The following TRPV3 variants were observed in gnomAD, a reference collection of about 807,000 sequenced individuals.
The protein encoded by TRPV3 is VRL-3.
Under a neutral mutation model 87.1 loss-of-function variants are expected in TRPV3, and 88 were observed. The ratio of observed to expected loss-of-function variants is 1.01; its 90% CI spans 0.85 to 1.21. The LOEUF is 1.21. TRPV3 is among the 50% of genes most tolerant of loss of function. The probability of loss-of-function intolerance (pLI) is 0.00; values close to 1 mark genes in which losing one functional copy is unlikely to be tolerated. For synonymous variants in TRPV3, 438 were observed against 423.3 expected, an observed-to-expected ratio of 1.03 and a Z score of -0.43; for missense variants, 1,054 against 1,030.1, an observed-to-expected ratio of 1.02 and a Z score of -0.32.
At chr17:3,547,713 TGGAGGGGGGCAGC>T (rs2150805149) in intron 2 of TRPV3, among the ~76,000 whole-genome samples, 1 of 138,672 alleles carries the variant, frequency 7.2e-6, no homozygotes, top group Non-Finnish European at 1.6e-5. Flanking sequence ...TCTCAGGCGG[TGGAGGGGGGCAGC>T]GGAGGGGAGG....
chr17:3,513,818 G>T lies in TRPV3; in HGVS notation c.*99C>A. On this transcript the variant is annotated 3_prime_UTR_variant, in exon 18 of 18. Transcript: ENST00000576742. ...TGCACTCTGCTTCTAGGCCAGCAGA[G>T]CCGGACTCCACCATCCCTCAAAGCC... 3 of 1,031,714 alleles carry T rather than the reference G, an allele frequency of 2.9e-6. No homozygotes were observed. The highest frequency in any genetic ancestry group is 3.0e-6 in the Non-Finnish European group (2 of 672,410). The allele number at this position is 1,031,714 out of a possible 1,614,324, so 63.9% of individuals were successfully genotyped here.
rs2074307437 is a variant in TRPV3 at position 3,527,156 on chromosome 17, C to G, written c.1504-229G>C. On this transcript the variant is annotated intron_variant, in intron 11 of 17. Coordinates refer to ENST00000576742, the MANE Select transcript of TRPV3 (RefSeq NM_145068.4). ...TCTTCTCACCTCCCTCACTCCTTAC[C>G]CCATCCTCACCCCAGAACCTGCAAA... Among the ~76,000 whole-genome samples, 4 of 152,090 alleles carry G rather than the reference C, an allele frequency of 2.6e-5. No individual in the cohort carries two copies. In the South Asian group the frequency reaches 8.3e-4, roughly 32 times the overall value.
Position 3,556,729 on chromosome 17 carries a change from T to C in TRPV3, c.-3+947A>G, listed in dbSNP as rs322960. On this transcript the variant is annotated intron_variant, in intron 1 of 17. Coordinates refer to ENST00000576742, the MANE Select transcript of TRPV3 (RefSeq NM_145068.4). This position sits in a 1 kb window ranked among gnomAD's most constrained non-coding sequence, Gnocchi z 4.2. Reference sequence around the variant, plus strand: ...TTTGGCCCTGGAGCGTAGGCAACCTTGAGGCCAGGCAGGTGGAGTAGCCCA... The same window carrying C: ...TTTGGCCCTGGAGCGTAGGCAACCTCGAGGCCAGGCAGGTGGAGTAGCCCA... Among the ~76,000 whole-genome samples the C allele has an allele frequency of 0.28, 42,452 of 152,018 alleles. 7,079 individuals carry two copies. The highest frequency in any genetic ancestry group is 0.4 in the South Asian group (1,944 of 4,814).
rs141342749 is a variant in TRPV3 at position 3,530,376 on chromosome 17, C to CGCACAAAGCTT, written c.1066-184_1066-174dup. 85,396 of 567,632 alleles carry CGCACAAAGCTT rather than the reference C, an allele frequency of 0.15. 9,520 individuals carry two copies. The highest frequency in any genetic ancestry group is 0.46 in the East Asian group (14,414 of 31,658). The allele number at this position is 567,632 out of a possible 1,614,324, so 35.2% of individuals were successfully genotyped here. ...GGGCCCCGTCTTTATCTGTGGAATG[C>CGCACAAAGCTT]GCACAAAGCTTGCTGTTCCGCCCAT... On this transcript the variant is annotated intron_variant, in intron 8 of 17. Coordinates refer to ENST00000576742, the MANE Select transcript of TRPV3 (RefSeq NM_145068.4). The surrounding 1 kb of genome is among the most constrained non-coding windows in gnomAD (Gnocchi z 4.0).
rs558778917 is a variant in TRPV3 at position 3,516,509 on chromosome 17, G to A, written c.2146C>T (p.Arg716Trp). The A allele has an allele frequency of 2.4e-5, 39 of 1,614,026 alleles. No individual in the cohort carries two copies. In the East Asian group the frequency reaches 3.6e-4, roughly 15 times the overall value. Residue 716 changes from arginine (R) to tryptophan (W), a missense_variant, in exon 16 of 18, where the codon CGG becomes TGG. Coordinates refer to ENST00000576742, the MANE Select transcript of TRPV3 (RefSeq NM_145068.4). ...GCCACTTTGCACAGCTCTCCCATCC[G>A]GAATCTGCTCCTCAGCCATTCTGGT... ...MLPEWLRSRFRMGELCKVAED... is the reference protein window; with the variant it reads ...MLPEWLRSRFWMGELCKVAED...
chr17:3,544,682 G>A lies in TRPV3; in HGVS notation c.225-17C>T, dbSNP rs377232385. On this transcript the variant is annotated splice_polypyrimidine_tract_variant and intron_variant, in intron 3 of 17. Coordinates refer to ENST00000576742, the MANE Select transcript of TRPV3 (RefSeq NM_145068.4). ...CCAGAGATGCTGGAGGTGTTGGCAG[G>A]GGGAACAGAGAGGGTTTTAAAGTTT... 6.3e-7 allele frequency: 1 copy of A among 1,590,394 alleles called. No individual in the cohort carries two copies. Among genetic ancestry groups the A allele is most frequent in the East Asian group, 2.2e-5 (1 of 44,524 alleles).
intron 2 of TRPV3, among the ~76,000 whole-genome samples, chr17:3,549,102 C>T (rs1257972351): frequency 2.6e-5 from 4 of 152,340 alleles, no homozygotes; most frequent in African/African-American, 4.8e-5. Context: ...AGCCCCAAAA[C>T]ATCCTGGTTG....
rs1032995777 is a variant in TRPV3 at position 3,528,983 on chromosome 17, T to C, written c.1255A>G (p.Met419Val). The change falls in exon 10 of 18, where the codon ATG becomes GTG. Residue 419 changes from methionine to valine, a missense_variant. Met to Val is a conservative substitution (Grantham distance 21). Coordinates refer to ENST00000576742, the MANE Select transcript of TRPV3 (RefSeq NM_145068.4). This position sits in a 1 kb window ranked among gnomAD's most constrained non-coding sequence, Gnocchi z 4.2. ...YNTNIDNRHE[M>V]LTLEPLHTLL... is the part of the protein sequence containing the mutation. ...GTGTGCAGCGGCTCCAGGGTCAGCA[T>C]CTCATGCCGGTTCTAGGGGTAGAAT... 6 of 1,614,012 alleles carry C rather than the reference T, an allele frequency of 3.7e-6. No individual in the cohort carries two copies. Among genetic ancestry groups the C allele is most frequent in the African/African-American group, 1.3e-5 (1 of 74,896 alleles).
At chr17:3,545,049 G>C (rs2074510868) in intron 3 of TRPV3, 118 bp downstream of exon 3, 1 of 637,628 alleles carries the variant, frequency 1.6e-6, no homozygotes, top group African/African-American at 1.8e-5. Flanking sequence ...TTTTATAATA[G>C]ACAGTGGTAG....
chr17:3,549,763 T>C (rs1424199671), intron 2 of TRPV3, among the ~76,000 whole-genome samples: 2 of 143,440 alleles, frequency 1.4e-5, no homozygotes, highest in Non-Finnish European at 3.0e-5. Context: ...GATGGATGGA[T>C]GGATAGATGA....
rs747156738 is a variant in TRPV3, at chr17:3,530,068, T to G, written c.1201A>C (p.Asn401His). Residue 401 changes from asparagine to histidine, a missense_variant, in exon 9 of 18, where the codon AAC (asparagine) becomes CAC (histidine). Coordinates refer to ENST00000576742, the MANE Select transcript of TRPV3 (RefSeq NM_145068.4). This position sits in a 1 kb window ranked among gnomAD's most constrained non-coding sequence, Gnocchi z 4.0. ...DLTNVDTTTDNSVLEITVYNT... is the reference protein window; with the variant it reads ...DLTNVDTTTDHSVLEITVYNT... ...TAGACAGTGATTTCCAGCACTGAGTTGTCCGTGGTGGTGTCCACGTTGGTG... is the reference window on the plus strand; with the variant it reads ...TAGACAGTGATTTCCAGCACTGAGTGGTCCGTGGTGGTGTCCACGTTGGTG... 2 of 1,613,836 alleles carry G rather than the reference T, an allele frequency of 1.2e-6. No individual in the cohort carries two copies. The highest frequency in any genetic ancestry group is 1.7e-6 in the Non-Finnish European group (2 of 1,179,910).
At position 3,532,683 on chromosome 17, in the gene TRPV3, G is replaced by A. The variant is rs776172145; in HGVS notation, c.1039C>T (p.Leu347=). 53 of 1,614,104 alleles carry A rather than the reference G, an allele frequency of 3.3e-5. 1 individual carries two copies. The East Asian group carries it at 1.2e-3, about 36-fold the overall frequency. The stretch of plus-strand genomic sequence containing the variant: ...TCCGCCTTGCCCATCTTGGCGGCCA[G>A]CTGCAGCGGCGTGAGGCCATCGTTG... ...RNNDGLTPLQ[L]AAKMGKAEIL... The change falls in exon 8 of 18, where the codon CTG becomes TTG. Residue 347 remains leucine, a synonymous_variant. Transcript: ENST00000576742.
chr17:3,522,962 T>C (rs2074261572), intron 13 of TRPV3, among the ~76,000 whole-genome samples: 1 of 152,092 alleles, frequency 6.6e-6, no homozygotes, highest in Admixed American at 6.5e-5. Context: ...TATATAATGT[T>C]TGGTACTATC....
Position 3,543,523 on chromosome 17 carries a change from C to G in TRPV3, c.417G>C (p.Leu139=). 6.2e-7 allele frequency: 1 copy of G among 1,614,050 alleles called. No homozygotes were observed. The highest frequency in any genetic ancestry group is 8.5e-7 in the Non-Finnish European group (1 of 1,180,032). The change falls in exon 5 of 18, where the codon CTG becomes CTC. Residue 139 remains leucine, a synonymous_variant. Coordinates refer to ENST00000576742, the MANE Select transcript of TRPV3 (RefSeq NM_145068.4). ...EGCVEELVEL[L]VELQELCRRR... ...GCCTGCAAAGCTCCTGCAGCTCCACCAGCAACTCTACCAACTCCTCCACGC... is the reference window on the plus strand; with the variant it reads ...GCCTGCAAAGCTCCTGCAGCTCCACGAGCAACTCTACCAACTCCTCCACGC...
In TRPV3 at chr17:3,557,210, G is replaced by A. The variant is rs913671690; in HGVS notation, c.-3+466C>T. On this transcript the variant is annotated intron_variant, in intron 1 of 17. Transcript: ENST00000576742. The surrounding 1 kb of genome is among the most constrained non-coding windows in gnomAD (Gnocchi z 4.5). ...CTGATTGAAATGGCCTTTCCCGGGCGACAGACCAGGCCGCGGAGCCACAGC... is the reference window on the plus strand; with the variant it reads ...CTGATTGAAATGGCCTTTCCCGGGCAACAGACCAGGCCGCGGAGCCACAGC... 3.3e-5 allele frequency among the ~76,000 whole-genome samples: 5 copies of A among 152,086 alleles called. No individual in the cohort carries two copies. The highest frequency in any genetic ancestry group is 7.4e-5 in the Non-Finnish European group (5 of 67,996).
At chr17:3,554,681 C>A (rs758398382) in intron 2 of TRPV3, 51 bp downstream of exon 2, 2 of 1,326,378 alleles carry the variant, frequency 1.5e-6, no homozygotes, top group Non-Finnish European at 2.1e-6. Context: ...CAGGCCCCCA[C>A]TCGTGCCCCT....
At chr17:3,547,590 C>T (rs2074538665) in intron 2 of TRPV3, among the ~76,000 whole-genome samples, 1 of 152,142 alleles carries the variant, frequency 6.6e-6, no homozygotes, top group South Asian at 2.1e-4. Context: ...CATTGCACTC[C>T]AGGCTGGGTG....
At chr17:3,524,715 T>C (rs2150785145) in intron 12 of TRPV3, among the ~76,000 whole-genome samples, 1 of 148,734 alleles carries the variant, frequency 6.7e-6, no homozygotes. Flanking sequence ...CTTTCGCCTG[T>C]AATCCCAACA....
rs1396175973 is a variant in TRPV3, at chr17:3,518,354, G to A, written c.2085+222C>T. Among the ~76,000 whole-genome samples the A allele has an allele frequency of 6.6e-6, 1 of 152,178 alleles. No individual in the cohort carries two copies. The highest frequency in any genetic ancestry group is 1.5e-5 in the Non-Finnish European group (1 of 68,040). On this transcript the variant is annotated intron_variant, in intron 15 of 17. Coordinates refer to ENST00000576742, the MANE Select transcript of TRPV3 (RefSeq NM_145068.4). The surrounding 1 kb of genome is among the most constrained non-coding windows in gnomAD (Gnocchi z 4.3). ...TCAACCCTGAGCAGAGCACCCCCAT[G>A]AGCCTGAGTTTTTCTACACATTCTG...
Sources: gnomAD v4.1 joint callset for allele counts (sites outside exome capture counted in the v4.1 genomes callset) on GRCh38, gnomAD v4.1.1 for gene constraint, Gnocchi (gnomAD v3.1) non-coding constraint, MANE v1.5 for transcripts, NCBI Gene and HGNC (gene_info 2026-07-23, HGNC 2026-07-21) for gene names.